The following KREMEN1 variants were observed in gnomAD, a reference collection of about 807,000 sequenced individuals.
The protein encoded by KREMEN1 is kringle containing transmembrane protein 1, also known as kremen protein 1.
A neutral mutation model predicts 46.5 loss-of-function variants in KREMEN1; 30 were observed. The ratio of observed to expected loss-of-function variants is 0.65; its 90% confidence interval spans 0.48 to 0.88. The LOEUF (loss-of-function observed/expected upper bound fraction) is 0.88. Among genes scored for constraint, KREMEN1 ranks in the 40% least tolerant of loss-of-function variants. The pLI is 0.00. For missense variants in KREMEN1, 533 were observed against 596.9 expected, an observed-to-expected ratio of 0.89 and a Z score of 1.11; for synonymous variants, 214 against 230.6, an observed-to-expected ratio of 0.93 and a Z score of 0.65.
At chr22:29,148,698 G>T (rs1006737329), downstream of KREMEN1, among the ~76,000 whole-genome samples, 1 of 151,916 alleles carries the variant, frequency 6.6e-6, no homozygotes, top group Non-Finnish European at 1.5e-5. Context: ...CAGGTGATCC[G>T]CCCGCCTCGG....
Position 29,144,369 on chromosome 22 carries a change from G to A in KREMEN1, c.*2257G>A. 1 of 985,976 alleles carries A rather than the reference G, an allele frequency of 1.0e-6. No homozygotes were observed. Among genetic ancestry groups the A allele is most frequent in the Non-Finnish European group, 1.2e-6 (1 of 830,326 alleles). The allele number at this position is 985,976 out of a possible 1,614,324, so 61.1% of individuals were successfully genotyped here. ...AGCTTCAGGCAGAGGGGCCTTCAGAGGAGGGAAACGGAGCAATGTGTCACA... is the reference window on the plus strand; with the variant it reads ...AGCTTCAGGCAGAGGGGCCTTCAGAAGAGGGAAACGGAGCAATGTGTCACA... On this transcript the variant is annotated 3_prime_UTR_variant, in exon 9 of 9. Coordinates refer to ENST00000400335, the MANE Select transcript of KREMEN1 (RefSeq NM_001039570.3).
intron 3 of KREMEN1, among the ~76,000 whole-genome samples, chr22:29,107,472 G>A (rs577856148): frequency 2.1e-3 from 323 of 151,984 alleles, no homozygotes; most frequent in African/African-American, 7.3e-3. Flanking sequence ...CGCCTGCCTC[G>A]GCTTCCCAAA....
At chr22:29,137,276 G>GGT (rs1463721258) in intron 5 of KREMEN1, 66 bp from the exon 6 acceptor site, 3 of 1,138,274 alleles carry the variant, frequency 2.6e-6, no homozygotes, top group Non-Finnish European at 3.6e-6. Context: ...TTAGTGCCTT[G>GGT]GTGTTGGAAG....
Position 29,137,537 on chromosome 22 carries a change from A to G in KREMEN1, c.827A>G (p.Tyr276Cys). 1.2e-6 allele frequency: 2 copies of G among 1,613,362 alleles called. No individual in the cohort carries two copies. The highest frequency in any genetic ancestry group is 2.7e-5 in the African/African-American group (2 of 74,980). ...GACATGGTGGAGCTTCTGGATGGCTACACCCACCGTGTCCTAGCCCGCTTC... is the reference window on the plus strand; with the variant it reads ...GACATGGTGGAGCTTCTGGATGGCTGCACCCACCGTGTCCTAGCCCGCTTC... The part of the protein sequence containing the change: ...SADMVELLDG[Y>C]THRVLARFHG... The change falls in exon 6 of 9, where the codon TAC becomes TGC. Residue 276 changes from tyrosine to cysteine, a missense_variant. By Grantham distance (194) the Tyr-to-Cys change is radical. Transcript: ENST00000400335.
chr22:29,128,746 C>T (rs1477246005), intron 5 of KREMEN1, among the ~76,000 whole-genome samples: 3 of 152,154 alleles, frequency 2.0e-5, no homozygotes, highest in African/African-American at 7.2e-5. Context: ...ATCCTTGTAG[C>T]AATCCTGTTG....
At chr22:29,098,556 G>A (rs2037919888) in intron 2 of KREMEN1, among the ~76,000 whole-genome samples, 1 of 152,198 alleles carries the variant, frequency 6.6e-6, no homozygotes, top group Non-Finnish European at 1.5e-5. Flanking sequence ...CATTCAAGGT[G>A]CCAGTGCTAT....
At chr22:29,164,751 AAAAAAC>A (rs1256016676) in intron 9 of KREMEN1, among the ~76,000 whole-genome samples, 2 of 149,554 alleles carry the variant, frequency 1.3e-5, no homozygotes, top group African/African-American at 5.0e-5. Context: ...CATCTCAAAA[AAAAAAC>A]AAAAAAAAAA....
At chr22:29,081,878 T>A (rs559144459) in intron 1 of KREMEN1, among the ~76,000 whole-genome samples, 2 of 152,224 alleles carry the variant, frequency 1.3e-5, no homozygotes, top group Non-Finnish European at 2.9e-5. Flanking sequence ...TCTAGAGATA[T>A]ATGGTCTACC....
chr22:29,144,468 C>A lies in KREMEN1; in HGVS notation c.*2356C>A. ...GAGGGCACAGAGCTGCTCGGTGCAG[C>A]CTTCATGCTTTGATCTGGAAAGAGC... On this transcript the variant is annotated 3_prime_UTR_variant, in exon 9 of 9. Transcript: ENST00000400335. 1 of 985,504 alleles carries A rather than the reference C, an allele frequency of 1.0e-6. No individual in the cohort carries two copies. Among genetic ancestry groups the A allele is most frequent in the Non-Finnish European group, 1.2e-6 (1 of 830,002 alleles). The allele number at this position is 985,504 out of a possible 1,614,324, so 61.0% of individuals were successfully genotyped here. A position where few individuals can be genotyped will look rare whatever the true frequency, so the allele number is the denominator to read the frequency against.
Position 29,141,957 on chromosome 22 carries a change from C to T in KREMEN1, c.1222C>T (p.Pro408Ser), listed in dbSNP as rs758302141. The stretch of plus-strand genomic sequence containing the variant: ...TCTGCTTGACAGATCCCATCGTGTT[C>T]CTGCTTCAGGGGACCTTAGGGATTG... ...LHVTFKSHRV[P>S]ASGDLRDCHQ... Residue 408 changes from proline (P) to serine (S), a missense_variant, in exon 9 of 9, where the codon CCT becomes TCT. Coordinates refer to ENST00000400335, the MANE Select transcript of KREMEN1 (RefSeq NM_001039570.3). The T allele has an allele frequency of 1.2e-6, 2 of 1,600,072 alleles. No homozygotes were observed. Among genetic ancestry groups the T allele is most frequent in the Middle Eastern group, 3.4e-4 (2 of 5,970 alleles).
At position 29,113,155 on chromosome 22, in the gene KREMEN1, G is replaced by A. The variant is rs186226599; in HGVS notation, c.353-8202G>A. Among the ~76,000 whole-genome samples, 166 of 152,270 alleles carry A rather than the reference G, an allele frequency of 1.1e-3. 1 individual carries two copies. Among genetic ancestry groups the A allele is most frequent in the African/African-American group, 3.7e-3 (154 of 41,550 alleles). On this transcript the variant is annotated intron_variant, in intron 3 of 8. Transcript: ENST00000400335. Reference sequence around the variant, plus strand: ...AACAAAAACCCATGGAATGGGAGTCGGCAATCCTGGAGCTTACCCTGGCTC... The same window carrying A: ...AACAAAAACCCATGGAATGGGAGTCAGCAATCCTGGAGCTTACCCTGGCTC...
chr22:29,132,612 G>T (rs1601802396), intron 5 of KREMEN1, among the ~76,000 whole-genome samples: 1 of 151,978 alleles, frequency 6.6e-6, no homozygotes, highest in East Asian at 1.9e-4. Context: ...GTTTTAATTT[G>T]CATTTCTCTA....
rs574361097 is a variant in KREMEN1, at chr22:29,138,726, C to G, written c.1067C>G (p.Ser356Cys). ...ANLSVSAARS[S>C]KVLYVITTSP... ...CTCAGTGTCAGCGCTGCCCGGTCCT[C>G]CAAAGTCCTCTATGTCATCACCACC... is the stretch of plus-strand genomic sequence containing the variant. Residue 356 changes from serine (S) to cysteine (C), a missense_variant, in exon 7 of 9, where the codon TCC becomes TGC. Physicochemically the swap from Ser to Cys is moderately radical, Grantham distance 112 (BLOSUM62 -1). Transcript: ENST00000400335. The G allele has an allele frequency of 6.2e-7, 1 of 1,614,240 alleles. No individual in the cohort carries two copies. The highest frequency in any genetic ancestry group is 1.1e-5 in the South Asian group (1 of 91,090).
chr22:29,146,389 C>T lies in KREMEN1; in HGVS notation c.*4277C>T, dbSNP rs753288426. On this transcript the variant is annotated 3_prime_UTR_variant, in exon 9 of 9. Coordinates refer to ENST00000400335, the MANE Select transcript of KREMEN1 (RefSeq NM_001039570.3). Reference sequence around the variant, plus strand: ...CTGGTGGGCACATCTCACAGGCTTCCGTCTTGCTGAGTTGGGTACGGAGGC... The same window carrying T: ...CTGGTGGGCACATCTCACAGGCTTCTGTCTTGCTGAGTTGGGTACGGAGGC... 4.9e-5 allele frequency: 48 copies of T among 985,718 alleles called. No individual in the cohort carries two copies. The highest frequency in any genetic ancestry group is 5.8e-5 in the Non-Finnish European group (48 of 829,964). The allele number at this position is 985,718 out of a possible 1,614,324, so 61.1% of individuals were successfully genotyped here.
intron 1 of KREMEN1, among the ~76,000 whole-genome samples, chr22:29,092,489 C>T (rs1400875116): frequency 6.6e-6 from 1 of 152,210 alleles, no homozygotes; most frequent in Non-Finnish European, 1.5e-5. Context: ...AGCTGGTCAG[C>T]AGCAGGTCCA....
intron 3 of KREMEN1, among the ~76,000 whole-genome samples, chr22:29,117,230 T>C (rs1191303034): frequency 2.6e-5 from 4 of 152,158 alleles, no homozygotes; most frequent in South Asian, 2.1e-4. Flanking sequence ...ATAAAGCTTA[T>C]TAAACTGGAC....
Position 29,073,287 on chromosome 22 carries a change from G to A in KREMEN1, c.97+60G>A. Reference sequence around the variant, plus strand: ...GCGGAGCCCACTCGAGGGGCGACAAGGGCCGGCCGGCCTGAGAGCCCCCTC... The same window carrying A: ...GCGGAGCCCACTCGAGGGGCGACAAAGGCCGGCCGGCCTGAGAGCCCCCTC... On this transcript the variant is annotated intron_variant, in intron 1 of 8. Transcript: ENST00000400335. This position sits in a 1 kb window ranked among gnomAD's most constrained non-coding sequence, Gnocchi z 4.4. The A allele has an allele frequency of 2.6e-6, 2 of 760,458 alleles. No homozygotes were observed. The highest frequency in any genetic ancestry group is 3.4e-6 in the Non-Finnish European group (2 of 581,680). The allele number at this position is 760,458 out of a possible 1,614,324, so 47.1% of individuals were successfully genotyped here.
chr22:29,088,078 A>G (rs2037754994), intron 1 of KREMEN1, among the ~76,000 whole-genome samples: 1 of 152,096 alleles, frequency 6.6e-6, no homozygotes, highest in African/African-American at 2.4e-5. Context: ...TGAAATTTTG[A>G]TTAAGAAAAA....
chr22:29,138,132 C>T (rs2038700671), intron 6 of KREMEN1, among the ~76,000 whole-genome samples: 1 of 152,204 alleles, frequency 6.6e-6, no homozygotes, highest in Non-Finnish European at 1.5e-5. Context: ...CACATGTGTG[C>T]CGGGCACATC....
Sources: allele counts gnomAD v4.1 joint callset (sites outside exome capture counted in the v4.1 genomes callset), GRCh38; gene constraint gnomAD v4.1.1; non-coding constraint Gnocchi (gnomAD v3.1); transcripts MANE v1.5; gene names NCBI Gene and HGNC (gene_info 2026-07-23, HGNC 2026-07-21).